The following MBD5 variants were observed in gnomAD, a reference collection of about 807,000 sequenced individuals.
The protein encoded by MBD5 is methyl-CpG-binding domain protein 5.
In MBD5, 13 loss-of-function variants were observed where a neutral mutation model predicts 117.3. That is an observed-to-expected ratio of 0.11 (90% CI 0.07 to 0.18). The LOEUF is 0.18. Among genes scored for constraint, MBD5 ranks in the 10% least tolerant of loss-of-function variants. The probability of loss-of-function intolerance (pLI) is 1.00; values close to 1 mark genes in which losing one functional copy is unlikely to be tolerated. For missense variants in MBD5, 1,879 were observed against 2,093.8 expected (o/e 0.90, Z 2.00); for synonymous variants, 727 against 766.4 (o/e 0.95, Z 0.85).
intron 2 of MBD5, among the ~76,000 whole-genome samples, chr2:148,219,456 G>C (rs1227081100): frequency 6.6e-6 from 1 of 151,980 alleles, no homozygotes; most frequent in Non-Finnish European, 1.5e-5. Flanking sequence ...CTAGGCAATA[G>C]GAATTTTTTG....
intron 5 of MBD5, among the ~76,000 whole-genome samples, chr2:148,459,949 A>T (rs1229535960): frequency 6.6e-6 from 1 of 152,104 alleles, no homozygotes. Flanking sequence ...GGGTGAAGGG[A>T]TAAGAAAGCA....
intron 1 of MBD5, chr2:148,055,995 T>C (rs886579079): frequency 6.6e-6 from 1 of 152,206 alleles, no homozygotes; most frequent in Non-Finnish European, 1.5e-5. Context: ...TTTGATGGAA[T>C]TGATCTAATT....
intron 2 of MBD5, among the ~76,000 whole-genome samples, chr2:148,223,718 A>C (rs1401144879): frequency 6.6e-6 from 1 of 151,720 alleles, no homozygotes; most frequent in African/African-American, 2.4e-5. Context: ...TGTTTATTTC[A>C]ATTTTATTTA....
chr2:148,492,761 TCAAA>T (rs765369683), intron 11 of MBD5, among the ~76,000 whole-genome samples: 57 of 152,048 alleles, frequency 3.7e-4, no homozygotes, highest in Non-Finnish European at 6.5e-4. Flanking sequence ...AGGTAAAAAT[TCAAA>T]CAGAGGTCTG....
chr2:148,377,974 T>G (rs1407799148), intron 4 of MBD5, among the ~76,000 whole-genome samples: 1 of 152,218 alleles, frequency 6.6e-6, no homozygotes, highest in Non-Finnish European at 1.5e-5. Flanking sequence ...TTTGCATTAA[T>G]TTTACATGAA....
intron 4 of MBD5, among the ~76,000 whole-genome samples, chr2:148,389,251 CATATATATATATATATAT>C (rs70995314): frequency 0.032 from 1,021 of 32,386 alleles, 48 homozygotes; most frequent in African/African-American, 0.036. Context: ...GAAAAAAAAA[CATATATATATATATATAT>C]ATATATATAT....
In MBD5 at chr2:148,260,261, C is replaced by G. The variant is rs139839398; in HGVS notation, c.-680+26866C>G. On this transcript the variant is annotated intron_variant, in intron 3 of 13. Coordinates refer to ENST00000642680, the MANE Select transcript of MBD5 (RefSeq NM_001378120.1). Reference sequence around the variant, plus strand: ...TACTCTAAATCTTTTGTTGTCATTTCAACAATGTTCACAGCATCTTCACCA... The same window carrying G: ...TACTCTAAATCTTTTGTTGTCATTTGAACAATGTTCACAGCATCTTCACCA... 7.1e-4 allele frequency among the ~76,000 whole-genome samples: 108 copies of G among 152,316 alleles called. No individual in the cohort carries two copies. In the East Asian group the frequency reaches 0.02, roughly 29 times the overall value.
At chr2:148,376,424 C>T (rs561563482) in intron 4 of MBD5, among the ~76,000 whole-genome samples, 2 of 150,872 alleles carry the variant, frequency 1.3e-5, no homozygotes, top group African/African-American at 2.4e-5. Flanking sequence ...CCCGCCACAA[C>T]GCCCGGCTAA....
intron 4 of MBD5, among the ~76,000 whole-genome samples, chr2:148,374,579 C>A (rs976651769): frequency 6.6e-6 from 1 of 152,136 alleles, no homozygotes; most frequent in African/African-American, 2.4e-5. Flanking sequence ...TAAGGCCTAG[C>A]GCCTGTTGAC....
At chr2:148,086,603 A>G (rs1263902889) in intron 1 of MBD5, among the ~76,000 whole-genome samples, 2 of 152,114 alleles carry the variant, frequency 1.3e-5, no homozygotes, top group East Asian at 3.9e-4. Flanking sequence ...AATTTCTGAG[A>G]CTCACTTATC....
intron 2 of MBD5, among the ~76,000 whole-genome samples, chr2:148,203,188 T>C (rs1211307278): frequency 6.6e-6 from 1 of 151,030 alleles, no homozygotes; most frequent in African/African-American, 2.4e-5. Flanking sequence ...AGTTCACAAA[T>C]GAAATTAAAA....
chr2:148,397,742 G>A (rs915020421), intron 4 of MBD5, among the ~76,000 whole-genome samples: 10 of 152,056 alleles, frequency 6.6e-5, no homozygotes, highest in Admixed American at 4.6e-4. Context: ...ATGTTGGTGT[G>A]CTGCACCCGT....
rs534986825 is a variant in MBD5, at chr2:148,142,212, G to T, written c.-924-36488G>T. Among the ~76,000 whole-genome samples the T allele has an allele frequency of 8.5e-5, 13 of 152,226 alleles. No homozygotes were observed. In the South Asian group the frequency reaches 2.1e-3, roughly 24 times the overall value. On this transcript the variant is annotated intron_variant, in intron 1 of 13. Coordinates refer to ENST00000642680, the MANE Select transcript of MBD5 (RefSeq NM_001378120.1). ...AGAAAGAATATGTTAAATTTTCTCA[G>T]AACTGAAGGATATGAGTCTGCACAT...
chr2:148,233,283 C>T lies in MBD5; in HGVS notation c.-792C>T. On this transcript the variant is annotated 5_prime_UTR_variant, in exon 3 of 14. Transcript: ENST00000642680. ...AATACCAGAAATCAAGAAGAGCACA[C>T]ACTATTTTCCTTCATCAATCCATAG... 6.6e-6 allele frequency: 1 copy of T among 152,192 alleles called. No homozygotes were observed. The highest frequency in any genetic ancestry group is 1.5e-5 in the Non-Finnish European group (1 of 68,024). 9.4% of individuals were successfully genotyped at this position (152,192 alleles called of 1,614,324 possible). A position where few individuals can be genotyped will look rare whatever the true frequency, so the allele number is the denominator to read the frequency against.
At chr2:148,464,423 G>A (rs1003639023) in intron 7 of MBD5, among the ~76,000 whole-genome samples, 1 of 152,082 alleles carries the variant, frequency 6.6e-6, no homozygotes, top group African/African-American at 2.4e-5. Context: ...CAGAAAAGTT[G>A]CAAGAATAGT....
chr2:148,336,670 A>G (rs1056035324), intron 3 of MBD5, among the ~76,000 whole-genome samples: 3 of 152,172 alleles, frequency 2.0e-5, no homozygotes, highest in Non-Finnish European at 4.4e-5. Context: ...TACAGACATG[A>G]GCCACCATAC....
chr2:148,349,028 T>G (rs534530005), intron 4 of MBD5, among the ~76,000 whole-genome samples: 4 of 152,076 alleles, frequency 2.6e-5, no homozygotes, highest in African/African-American at 9.6e-5. Flanking sequence ...CCCTATATTT[T>G]TGCTTTGATT....
At chr2:148,128,019 G>T (rs1340192567) in intron 1 of MBD5, among the ~76,000 whole-genome samples, 17 of 152,234 alleles carry the variant, frequency 1.1e-4, no homozygotes, top group Admixed American at 1.1e-3. Flanking sequence ...TGTGTTAGCT[G>T]CATGAATGTC....
chr2:148,216,698 A>G (rs1269418656), intron 2 of MBD5, among the ~76,000 whole-genome samples: 2 of 152,184 alleles, frequency 1.3e-5, no homozygotes, highest in Non-Finnish European at 2.9e-5. Flanking sequence ...GATGAGGAAA[A>G]ACAAGATCAG....
Sources: allele counts gnomAD v4.1 joint callset (sites outside exome capture counted in the v4.1 genomes callset), GRCh38; gene constraint gnomAD v4.1.1; transcripts MANE v1.5; gene names NCBI Gene and HGNC (gene_info 2026-07-23, HGNC 2026-07-21).